The following CRB1 variants were observed in gnomAD, a reference collection of about 807,000 sequenced individuals.
The protein encoded by CRB1 is protein crumbs homolog 1.
In CRB1, 83 loss-of-function variants were observed where a neutral mutation model predicts 120.0. That is an observed-to-expected ratio of 0.69 (90% CI 0.58 to 0.83). CRB1 has a LOEUF of 0.83. Among genes scored for constraint, CRB1 ranks in the 40% least tolerant of loss-of-function variants. CRB1 has a pLI of 0.00. For missense variants in CRB1, 1,699 were observed against 1,687.6 expected, an observed-to-expected ratio of 1.01 and a Z score of -0.12; for synonymous variants, 625 against 612.5, an observed-to-expected ratio of 1.02 and a Z score of -0.30.
chr1:197,229,001 A>G, the CRB1 span, among the ~76,000 whole-genome samples: 1 of 152,112 alleles, frequency 6.6e-6, no homozygotes, highest in Non-Finnish European at 1.5e-5. Context: ...GATTCAAATT[A>G]TCTCCCACCG....
intron 8 of CRB1, among the ~76,000 whole-genome samples, chr1:197,431,830 T>C (rs1159398670): frequency 6.6e-6 from 1 of 152,204 alleles, no homozygotes; most frequent in Non-Finnish European, 1.5e-5. Context: ...AGGTGTACAA[T>C]AGGAATTATA....
intron 1 of CRB1, among the ~76,000 whole-genome samples, chr1:197,272,468 G>A (rs1283901602): frequency 5.3e-5 from 8 of 151,774 alleles, no homozygotes; most frequent in Non-Finnish European, 1.5e-5. Flanking sequence ...TTCATCATTG[G>A]TGATTTTCAA....
intron 1 of CRB1, among the ~76,000 whole-genome samples, chr1:197,317,841 C>A (rs1006147325): frequency 2.6e-5 from 4 of 152,012 alleles, no homozygotes; most frequent in Non-Finnish European, 4.4e-5. Context: ...ATACAAAAAT[C>A]AACTCAAAAT....
At chr1:197,469,023 A>G (rs1666867674) in intron 11 of CRB1, among the ~76,000 whole-genome samples, 1 of 152,052 alleles carries the variant, frequency 6.6e-6, no homozygotes. Flanking sequence ...ACTGGTGATG[A>G]CCCTCATGAG....
chr1:197,374,755 A>T (rs1409657332), intron 5 of CRB1, among the ~76,000 whole-genome samples: 1 of 152,170 alleles, frequency 6.6e-6, no homozygotes, highest in South Asian at 2.1e-4. Flanking sequence ...AAAGTTCTAT[A>T]TTGAATTGAA....
At chr1:197,362,283 G>GTAAATGTTCCATGTAAATGTTCCAT (rs1660810893) in intron 5 of CRB1, among the ~76,000 whole-genome samples, 1 of 151,896 alleles carries the variant, frequency 6.6e-6, no homozygotes, top group Non-Finnish European at 1.5e-5. Flanking sequence ...AATCTATCTT[G>GTAAATGTTCCATGTAAATGTTCCAT]GTAAATGTTC....
intron 6 of CRB1, among the ~76,000 whole-genome samples, chr1:197,424,399 G>A (rs1405215575): frequency 6.6e-6 from 1 of 152,130 alleles, no homozygotes; most frequent in African/African-American, 2.4e-5. Context: ...CTGAAGAAAA[G>A]TATCTCGAGC....
chr1:197,441,954 A>G, intron 10 of CRB1: 1 of 605,788 alleles, frequency 1.7e-6, no homozygotes, highest in East Asian at 2.8e-5. Context: ...GTATATGTAT[A>G]TATATGTGTA....
intron 4 of CRB1, among the ~76,000 whole-genome samples, chr1:197,354,669 A>C (rs1342635543): frequency 6.6e-6 from 1 of 152,098 alleles, no homozygotes; most frequent in Non-Finnish European, 1.5e-5. Flanking sequence ...GCTACAGCTC[A>C]TAAAGTCAGT....
rs576961080 is a variant in CRB1 at position 197,396,675 on chromosome 1, T to C, written c.1172-24325T>C. On this transcript the variant is annotated intron_variant, in intron 5 of 11. Coordinates refer to ENST00000367400, the MANE Select transcript of CRB1 (RefSeq NM_201253.3). ...AATAGGCTCACACACTTATGATTAA[T>C]TCATTTTAAACAAAGGTGTAAAGCG... Among the ~76,000 whole-genome samples, 4 of 152,262 alleles carry C rather than the reference T, an allele frequency of 2.6e-5. No individual in the cohort carries two copies. The East Asian group carries it at 7.7e-4, about 29-fold the overall frequency.
At chr1:197,452,130 G>A (rs1666003621) in intron 11 of CRB1, among the ~76,000 whole-genome samples, 1 of 152,152 alleles carries the variant, frequency 6.6e-6, no homozygotes, top group Non-Finnish European at 1.5e-5. Flanking sequence ...AGCTCAGAGA[G>A]AGAGAGTGCT....
At chr1:197,214,471 ATG>A in the CRB1 span, among the ~76,000 whole-genome samples, 1 of 152,168 alleles carries the variant, frequency 6.6e-6, no homozygotes, top group African/African-American at 2.4e-5. Context: ...GGACTTGAGT[ATG>A]TGTGGATTTT....
the CRB1 span, among the ~76,000 whole-genome samples, chr1:197,253,247 T>C: frequency 6.6e-6 from 1 of 152,094 alleles, no homozygotes; most frequent in African/African-American, 2.4e-5. Flanking sequence ...ACATTCTTTT[T>C]TCCCCTGGGC....
Position 197,327,091 on chromosome 1 carries a change from C to CAAAA in CRB1, c.71-1293_71-1290dup, listed in dbSNP as rs71131753. Among the ~76,000 whole-genome samples the CAAAA allele has an allele frequency of 7.7e-3, 198 of 25,626 alleles. 21 individuals carry two copies. Among genetic ancestry groups the CAAAA allele is most frequent in the African/African-American group, 9.2e-3 (47 of 5,082 alleles). 16.8% of individuals were successfully genotyped at this position (25,626 alleles called of 152,430 possible). A position where few individuals can be genotyped will look rare whatever the true frequency, so the allele number is the denominator to read the frequency against. ...ATTTAGTGACTTAATTCTCACACAC[C>CAAAA]AAAAAAAAAAAAAAAAAAAAAAAAA... On this transcript the variant is annotated intron_variant, in intron 1 of 11. Coordinates refer to ENST00000367400, the MANE Select transcript of CRB1 (RefSeq NM_201253.3).
At chr1:197,257,189 A>C in the CRB1 span, among the ~76,000 whole-genome samples, 1 of 152,082 alleles carries the variant, frequency 6.6e-6, no homozygotes, top group Non-Finnish European at 1.5e-5. Flanking sequence ...CTAATGTCTG[A>C]GGGAAGGAGA....
intron 1 of CRB1, among the ~76,000 whole-genome samples, chr1:197,271,682 A>T (rs1316776209): frequency 6.6e-6 from 1 of 152,214 alleles, no homozygotes; most frequent in Non-Finnish European, 1.5e-5. Flanking sequence ...GTGATCCATT[A>T]TTCAGAGACT....
chr1:197,470,406 G>A (rs1666932813), intron 11 of CRB1, among the ~76,000 whole-genome samples: 1 of 152,194 alleles, frequency 6.6e-6, no homozygotes, highest in Non-Finnish European at 1.5e-5. Context: ...GAGAATTAAA[G>A]CATTTTCTGT....
At chr1:197,237,034 C>T in the CRB1 span, among the ~76,000 whole-genome samples, 3 of 151,682 alleles carry the variant, frequency 2.0e-5, no homozygotes, top group Non-Finnish European at 2.9e-5. Context: ...ATGCTAACCT[C>T]GGAATGAGTC....
At chr1:197,406,504 C>A (rs913491668) in intron 5 of CRB1, among the ~76,000 whole-genome samples, 4 of 152,116 alleles carry the variant, frequency 2.6e-5, no homozygotes, top group African/African-American at 9.7e-5. Context: ...ATCTGCTGAC[C>A]TTCCCTCCAC....
Sources: gnomAD v4.1 joint callset for allele counts (sites outside exome capture counted in the v4.1 genomes callset) on GRCh38, gnomAD v4.1.1 for gene constraint, MANE v1.5 for transcripts, NCBI Gene and HGNC (gene_info 2026-07-23, HGNC 2026-07-21) for gene names.